SHANK2: variants seen among roughly 807,000 people sequenced by gnomAD.
The protein encoded by SHANK2 is SH3 and multiple ankyrin repeat domains 2, also known as SH3 and multiple ankyrin repeat domains protein 2.
In SHANK2, 43 loss-of-function variants were observed where a neutral mutation model predicts 133.7. The ratio of observed to expected loss-of-function variants is 0.32; its 90% CI spans 0.25 to 0.41. SHANK2 has a LOEUF of 0.41. Among genes scored for constraint, SHANK2 ranks in the 10% least tolerant of loss-of-function variants. The pLI is 1.00. For synonymous variants in SHANK2, 1,017 were observed against 952.8 expected, an observed-to-expected ratio of 1.07 and a Z score of -1.24; for missense variants, 1,994 against 2,235.8, an observed-to-expected ratio of 0.89 and a Z score of 2.18.
At chr11:70,951,562 C>T (rs532732107) in intron 10 of SHANK2, among the ~76,000 whole-genome samples, 5 of 78,178 alleles carry the variant, frequency 6.4e-5, no homozygotes, top group African/African-American at 1.9e-4. Context: ...TGCGTGGTGA[C>T]GTCATAAATT....
intron 15 of SHANK2, among the ~76,000 whole-genome samples, chr11:70,693,258 C>T (rs1843483369): frequency 6.6e-6 from 1 of 152,182 alleles, no homozygotes. Flanking sequence ...CTGCCTAACG[C>T]CCTCCAATGC....
chr11:71,083,127 A>G (rs1394323296), intron 8 of SHANK2, among the ~76,000 whole-genome samples: 1 of 152,106 alleles, frequency 6.6e-6, no homozygotes, highest in Non-Finnish European at 1.5e-5. Context: ...TTTTTGGTAG[A>G]GACAAGTTTT....
chr11:70,635,784 T>C (rs1555003790), intron 17 of SHANK2, among the ~76,000 whole-genome samples: 2 of 150,054 alleles, frequency 1.3e-5, no homozygotes, highest in African/African-American at 2.4e-5. Context: ...AGGAAGTGAA[T>C]GGAGCAAATG....
intron 6 of SHANK2, among the ~76,000 whole-genome samples, chr11:71,108,468 C>A (rs1476762289): frequency 6.6e-6 from 1 of 152,150 alleles, no homozygotes; most frequent in African/African-American, 2.4e-5. Flanking sequence ...CCCACCCCTG[C>A]CCACCACATG....
rs1555056018 is a variant in SHANK2 at position 70,821,880 on chromosome 11, G to A, written c.1175-1198C>T. On this transcript the variant is annotated intron_variant, in intron 11 of 25. Coordinates refer to ENST00000601538, the MANE Select transcript of SHANK2 (RefSeq NM_012309.5). ...GTGGGGACTGTGTGAGGAAGCAGGG[G>A]CTGGGCACCCCTTATCTGGCATCCT... Among the ~76,000 whole-genome samples the A allele has an allele frequency of 6.6e-5, 10 of 152,284 alleles. No homozygotes were observed. In the South Asian group the frequency reaches 1.9e-3, roughly 28 times the overall value.
intron 11 of SHANK2, among the ~76,000 whole-genome samples, chr11:70,854,081 G>A (rs1254537067): frequency 6.6e-6 from 1 of 152,212 alleles, no homozygotes; most frequent in Non-Finnish European, 1.5e-5. Flanking sequence ...ACCCTGCAGT[G>A]TTAACAGTGA....
intron 15 of SHANK2, among the ~76,000 whole-genome samples, chr11:70,690,434 G>A (rs976458531): frequency 1.4e-5 from 2 of 144,466 alleles, no homozygotes; most frequent in African/African-American, 2.5e-5. Context: ...TCTGTAAAGA[G>A]GAATTGGAAT....
chr11:70,551,122 C>T (rs139803890), intron 17 of SHANK2, among the ~76,000 whole-genome samples: 3,313 of 152,228 alleles, frequency 0.022, 75 homozygotes, highest in Middle Eastern at 0.071. Context: ...CCAGGGTCTG[C>T]ATTTTCACAT....
chr11:71,234,578 G>A (rs1276718632), intron 1 of SHANK2, among the ~76,000 whole-genome samples: 2 of 152,146 alleles, frequency 1.3e-5, no homozygotes, highest in South Asian at 2.1e-4. Context: ...GGGCCTGTCT[G>A]TAGGCAGCCA....
At chr11:70,703,903 C>T (rs559488073) in intron 14 of SHANK2, among the ~76,000 whole-genome samples, 6 of 152,254 alleles carry the variant, frequency 3.9e-5, no homozygotes, top group Non-Finnish European at 7.3e-5. Flanking sequence ...CCTGCCCCCT[C>T]CCCACCTGAC....
At position 70,497,252 on chromosome 11, in the gene SHANK2, G is replaced by A. The variant is rs1472088091; in HGVS notation, c.2308+3318C>T. On this transcript the variant is annotated intron_variant, in intron 21 of 25. Transcript: ENST00000601538. Reference sequence around the variant, plus strand: ...CTTATCTTGGAGATCTTGTTTACCGGGATATGGAGACTTTTCAGAAAAGCC... The same window carrying A: ...CTTATCTTGGAGATCTTGTTTACCGAGATATGGAGACTTTTCAGAAAAGCC... Among the ~76,000 whole-genome samples, 10 of 152,286 alleles carry A rather than the reference G, an allele frequency of 6.6e-5. No homozygotes were observed. The East Asian group carries it at 1.5e-3, about 23-fold the overall frequency.
At chr11:70,835,030 G>A (rs1555059655) in intron 11 of SHANK2, among the ~76,000 whole-genome samples, 2 of 152,162 alleles carry the variant, frequency 1.3e-5, no homozygotes, top group African/African-American at 4.8e-5. Flanking sequence ...GTGAAGGTGG[G>A]TCTGACCACA....
chr11:71,085,678 TATA>T (rs1951380538), intron 8 of SHANK2, among the ~76,000 whole-genome samples: 77 of 71,148 alleles, frequency 1.1e-3, no homozygotes, highest in African/African-American at 2.9e-3. Flanking sequence ...ATGTTATATA[TATA>T]ATATAATATA....
At chr11:70,782,013 C>G (rs2135117813) in intron 14 of SHANK2, among the ~76,000 whole-genome samples, 1 of 152,128 alleles carries the variant, frequency 6.6e-6, no homozygotes. Flanking sequence ...ATCGCAAGGA[C>G]AAAAAACCAA....
At chr11:70,588,728 A>T (rs1554987363) in intron 17 of SHANK2, among the ~76,000 whole-genome samples, 1 of 152,260 alleles carries the variant, frequency 6.6e-6, no homozygotes. Context: ...GCAAGTCTTG[A>T]TGGAGAAGCT....
chr11:71,136,277 G>A (rs1283763761), intron 3 of SHANK2, among the ~76,000 whole-genome samples: 1 of 152,098 alleles, frequency 6.6e-6, no homozygotes, highest in South Asian at 2.1e-4. Context: ...TCAAGGAAAC[G>A]TGGTGCATAT....
chr11:70,792,707 G>A (rs1293088415), intron 14 of SHANK2, among the ~76,000 whole-genome samples: 1 of 152,198 alleles, frequency 6.6e-6, no homozygotes, highest in African/African-American at 2.4e-5. Context: ...AAAGAGCTTG[G>A]TGGATGGGAA....
intron 17 of SHANK2, among the ~76,000 whole-genome samples, chr11:70,633,121 A>G (rs1555002815): frequency 6.6e-6 from 1 of 151,532 alleles, no homozygotes; most frequent in East Asian, 1.9e-4. Context: ...CGTTGAATAT[A>G]TAAATACGTT....
chr11:71,166,425 G>A (rs1374395665), intron 2 of SHANK2, among the ~76,000 whole-genome samples: 3 of 151,726 alleles, frequency 2.0e-5, no homozygotes, highest in Non-Finnish European at 4.4e-5. Flanking sequence ...AGCACACCCC[G>A]GTATTACAAG....
Sources: allele counts gnomAD v4.1 joint callset (sites outside exome capture counted in the v4.1 genomes callset), GRCh38; gene constraint gnomAD v4.1.1; transcripts MANE v1.5; gene names NCBI Gene and HGNC (gene_info 2026-07-23, HGNC 2026-07-21).